NUB1: variants seen among roughly 807,000 people sequenced by gnomAD.
NUB1 encodes negative regulator of ubiquitin like proteins 1, also known as NEDD8 ultimate buster 1.
A neutral mutation model predicts 77.1 loss-of-function variants in NUB1; 41 were observed. The ratio of observed to expected loss-of-function variants is 0.53; its 90% CI spans 0.41 to 0.69. The LOEUF (loss-of-function observed/expected upper bound fraction) is 0.69, where lower values mean the gene tolerates loss of function less well. NUB1 is among the 30% of genes least tolerant of loss of function. The pLI, the probability that NUB1 is intolerant of heterozygous loss-of-function variation, is 0.00. For synonymous variants in NUB1, 257 were observed against 281.0 expected, an observed-to-expected ratio of 0.91 and a Z score of 0.85; for missense variants, 643 against 743.8, an observed-to-expected ratio of 0.86 and a Z score of 1.58.
At chr7:151,348,270 C>T (rs1170444390) in intron 2 of NUB1, among the ~76,000 whole-genome samples, 3 of 152,096 alleles carry the variant, frequency 2.0e-5, no homozygotes, top group Non-Finnish European at 4.4e-5. Flanking sequence ...AAAGCTCTCC[C>T]TTACAAATAG....
At chr7:151,347,943 A>T (rs73472494) in intron 2 of NUB1, among the ~76,000 whole-genome samples, 10,632 of 152,226 alleles carry the variant, frequency 0.07, 526 homozygotes, top group African/African-American at 0.13. Context: ...TGAAACATTA[A>T]CCTCACATGC....
At chr7:151,348,439 T>C (rs966124704) in intron 2 of NUB1, among the ~76,000 whole-genome samples, 2 of 151,998 alleles carry the variant, frequency 1.3e-5, no homozygotes, top group Non-Finnish European at 2.9e-5. Context: ...ACTTTTTAAA[T>C]AGATCACAGT....
chr7:151,348,255 A>G (rs1382712729), intron 2 of NUB1, among the ~76,000 whole-genome samples: 1 of 151,936 alleles, frequency 6.6e-6, no homozygotes, highest in Non-Finnish European at 1.5e-5. Flanking sequence ...TTTTTTCTCA[A>G]TTCTAAAGCT....
At chr7:151,359,078 A>G (rs1797233019) in intron 7 of NUB1, among the ~76,000 whole-genome samples, 1 of 148,452 alleles carries the variant, frequency 6.7e-6, no homozygotes, top group African/African-American at 2.5e-5. Context: ...AAAAAAATAA[A>G]ATAAAAAAAT....
chr7:151,349,333 G>C, intron 3 of NUB1, 93 bp downstream of exon 3: 1 of 1,085,586 alleles, frequency 9.2e-7, no homozygotes, highest in South Asian at 1.5e-5. Flanking sequence ...ACAATCCAAA[G>C]TCAGAATTCT....
At chr7:151,366,557 C>A (rs1269660487) in intron 8 of NUB1, among the ~76,000 whole-genome samples, 1 of 152,052 alleles carries the variant, frequency 6.6e-6, no homozygotes, top group Non-Finnish European at 1.5e-5. Context: ...GTTGCTCTGG[C>A]CCAGGTGATG....
chr7:151,364,442 CAAAAAAAAAAA>C (rs1797550567), intron 8 of NUB1, among the ~76,000 whole-genome samples: 3 of 119,848 alleles, frequency 2.5e-5, no homozygotes, highest in Non-Finnish European at 5.1e-5. Flanking sequence ...CAAAAAAAAA[CAAAAAAAAAAA>C]CAAAAAAACT....
At chr7:151,361,091 A>T (rs1563021091) in intron 8 of NUB1, 1 of 152,108 alleles carries the variant, frequency 6.6e-6, no homozygotes, top group Admixed American at 6.6e-5. Context: ...TCCCTTCTGC[A>T]TTTATTGCTG....
intron 12 of NUB1, 43 bp from the exon 13 acceptor site, chr7:151,375,805 A>G (rs753089925): frequency 2.3e-6 from 3 of 1,302,092 alleles, no homozygotes; most frequent in South Asian, 2.4e-5. Context: ...GAATGTGTGA[A>G]GAGTTCTTAG....
Position 151,376,782 on chromosome 7 carries a change from C to G in NUB1, c.1640C>G (p.Pro547Arg). The change falls in exon 14 of 15, where the codon CCG becomes CGG. Residue 547 changes from proline to arginine, a missense_variant. Coordinates refer to ENST00000568733, the MANE Select transcript of NUB1 (RefSeq NM_001243351.2). ...CTGTCGCCAGAAGACTCTTTGTCCCCGCCAGCCACGTCCCCTTCTGACTCC... is the reference window on the plus strand; with the variant it reads ...CTGTCGCCAGAAGACTCTTTGTCCCGGCCAGCCACGTCCCCTTCTGACTCC... ...LPLSPEDSLS[P>R]PATSPSDSAG... 6.3e-7 allele frequency: 1 copy of G among 1,590,810 alleles called. No individual in the cohort carries two copies. The highest frequency in any genetic ancestry group is 8.5e-7 in the Non-Finnish European group (1 of 1,169,618).
In NUB1 at chr7:151,375,793, C is replaced by G. The variant is rs192595893; in HGVS notation, c.1396-55C>G. 11,400 of 1,186,768 alleles carry G rather than the reference C, an allele frequency of 9.6e-3. 82 individuals carry two copies. Among genetic ancestry groups the G allele is most frequent in the Non-Finnish European group, 0.011 (9,044 of 796,784 alleles). 73.5% of individuals were successfully genotyped at this position (1,186,768 alleles called of 1,614,324 possible). ...GCACATGGCAGGGTGCAGCGCCTGT[C>G]TGAATGTGTGAAGAGTTCTTAGTGA... On this transcript the variant is annotated intron_variant, in intron 12 of 14. Coordinates refer to ENST00000568733, the MANE Select transcript of NUB1 (RefSeq NM_001243351.2).
chr7:151,356,034 T>G, intron 6 of NUB1, 84 bp downstream of exon 6: 1 of 1,551,302 alleles, frequency 6.4e-7, no homozygotes, highest in African/African-American at 1.4e-5. Context: ...TGGCTCTCAC[T>G]GAGTCTCACC....
Position 151,376,660 on chromosome 7 carries a change from C to T in NUB1, c.1518C>T (p.Leu506=), listed in dbSNP as rs370586827. The T allele has an allele frequency of 2.9e-4, 460 of 1,611,390 alleles. 1 individual carries two copies. Among genetic ancestry groups the T allele is most frequent in the South Asian group, 2.4e-4 (22 of 90,498 alleles). ...DRLVYMGFDA[L]VAEAALRVFR... ...TGGTGTACATGGGTTTTGATGCACT[C>T]GTGGCCGAAGCTGCGCTGAGAGTGT... The change falls in exon 14 of 15, where the codon CTC becomes CTT. Residue 506 remains leucine (L), a synonymous_variant. Coordinates refer to ENST00000568733, the MANE Select transcript of NUB1 (RefSeq NM_001243351.2).
intron 7 of NUB1, among the ~76,000 whole-genome samples, chr7:151,356,875 G>A (rs1227376885): frequency 2.0e-5 from 3 of 152,044 alleles, no homozygotes; most frequent in East Asian, 1.9e-4. Context: ...GTGCCACCAC[G>A]GATGGCTAAT....
chr7:151,344,655 CTTTT>C (rs1796395683), intron 1 of NUB1, among the ~76,000 whole-genome samples: 1 of 151,696 alleles, frequency 6.6e-6, no homozygotes, highest in Non-Finnish European at 1.5e-5. Context: ...TTCAAGCAAG[CTTTT>C]CTTTATATTT....
chr7:151,367,756 T>C lies in NUB1; in HGVS notation c.988-105T>C, dbSNP rs796142644. On this transcript the variant is annotated intron_variant, in intron 9 of 14. Coordinates refer to ENST00000568733, the MANE Select transcript of NUB1 (RefSeq NM_001243351.2). ...GTGAAGCCATGGACATTTTAATACCTATCATGTTGCCCCTCTGGAGACCAA... is the reference window on the plus strand; with the variant it reads ...GTGAAGCCATGGACATTTTAATACCCATCATGTTGCCCCTCTGGAGACCAA... The C allele has an allele frequency of 5.8e-6, 4 of 695,016 alleles. No homozygotes were observed. In the African/African-American group the frequency reaches 7.2e-5, roughly 13 times the overall value. 43.1% of individuals were successfully genotyped at this position (695,016 alleles called of 1,614,324 possible). A position where few individuals can be genotyped will look rare whatever the true frequency, so the allele number is the denominator to read the frequency against.
chr7:151,369,693 G>GCAGGAGAGC (rs1340218324), intron 11 of NUB1, among the ~76,000 whole-genome samples: 1 of 152,194 alleles, frequency 6.6e-6, no homozygotes, highest in Non-Finnish European at 1.5e-5. Flanking sequence ...TGGAATATTA[G>GCAGGAGAGC]CAGGAGAGCC....
Position 151,352,798 on chromosome 7 carries a change from G to C in NUB1, c.345-14G>C. ...TTTTGTTTTCCTACAATTTTCACTGGTTTTATTTTACAGAATAGCTGAAAC... is the reference window on the plus strand; with the variant it reads ...TTTTGTTTTCCTACAATTTTCACTGCTTTTATTTTACAGAATAGCTGAAAC... On this transcript the variant is annotated splice_polypyrimidine_tract_variant and intron_variant, in intron 4 of 14. Coordinates refer to ENST00000568733, the MANE Select transcript of NUB1 (RefSeq NM_001243351.2). The C allele has an allele frequency of 1.4e-6, 2 of 1,477,930 alleles. No individual in the cohort carries two copies. The highest frequency in any genetic ancestry group is 1.7e-4 in the Middle Eastern group (1 of 5,800). The allele number at this position is 1,477,930 out of a possible 1,614,324, so 91.6% of individuals were successfully genotyped here. A position where few individuals can be genotyped will look rare whatever the true frequency, so the allele number is the denominator to read the frequency against.
At position 151,345,363 on chromosome 7, in the gene NUB1, A is replaced by G. The variant is rs1408933412; in HGVS notation, c.14A>G (p.Lys5Arg). 2.5e-6 allele frequency: 4 copies of G among 1,610,542 alleles called. No individual in the cohort carries two copies. The highest frequency in any genetic ancestry group is 2.5e-6 in the Non-Finnish European group (3 of 1,177,374). The change falls in exon 2 of 15, where the codon AAA (lysine) becomes AGA (arginine). Residue 5 changes from lysine (K) to arginine (R), a missense_variant. Transcript: ENST00000568733. The stretch of plus-strand genomic sequence containing the variant: ...TTGCTTTCAGGGATGGCACAAAAGA[A>G]ATATCTTCAAGCAAAATTGACCCAG... MAQKKYLQAKLTQFL... is the reference protein window; with the variant it reads MAQKRYLQAKLTQFL...
Sources: allele counts gnomAD v4.1 joint callset (sites outside exome capture counted in the v4.1 genomes callset), GRCh38; gene constraint gnomAD v4.1.1; transcripts MANE v1.5; gene names NCBI Gene and HGNC (gene_info 2026-07-23, HGNC 2026-07-21).